Variants in FGD1 observed in about 807,000 individuals in gnomAD.
FGD1 encodes FYVE, RhoGEF and PH domain-containing protein 1.
In FGD1, 12 loss-of-function variants were observed where a neutral mutation model predicts 65.0. That is an observed-to-expected ratio of 0.18 (90% CI 0.12 to 0.30). FGD1 has a LOEUF of 0.30. FGD1 is among the 10% of genes least tolerant of loss of function. The pLI, the probability that FGD1 is intolerant of heterozygous loss-of-function variation, is 1.00. For missense variants in FGD1, 542 were observed against 837.6 expected (o/e 0.65, Z 4.36); for synonymous variants, 333 against 343.9 (o/e 0.97, Z 0.35).
At chrX:54,451,962 CTTTTTA>C (rs764900756) in intron 12 of FGD1, among the ~76,000 whole-genome samples, 207 of 110,145 alleles carry the variant, frequency 1.9e-3, no homozygotes, top group African/African-American at 6.0e-3. Flanking sequence ...ACAAGTGTTG[CTTTTTA>C]TTTTTAAGAG....
At chrX:54,457,295 T>C (rs1036457858) in intron 8 of FGD1, among the ~76,000 whole-genome samples, 9 of 112,001 alleles carry the variant, frequency 8.0e-5, no homozygotes, top group African/African-American at 2.3e-4. Context: ...GAAAAAGCCA[T>C]ATAAAGAAAC....
intron 1 of FGD1, among the ~76,000 whole-genome samples, chrX:54,487,371 G>A (rs1456806172): frequency 1.8e-5 from 2 of 111,863 alleles, no homozygotes; most frequent in African/African-American, 6.5e-5. Context: ...TGTGTTGGTG[G>A]TGAAAACTCC....
chrX:54,482,763 G>A (rs1923180845), intron 1 of FGD1, among the ~76,000 whole-genome samples: 1 of 111,373 alleles, frequency 9.0e-6, no homozygotes, highest in Non-Finnish European at 1.9e-5. Context: ...GAGACCCAGA[G>A]ATGGACATAG....
intron 8 of FGD1, among the ~76,000 whole-genome samples, chrX:54,461,437 C>T: frequency 9.4e-6 from 1 of 106,663 alleles, no homozygotes; most frequent in East Asian, 3.0e-4. Context: ...CCCATCTCTA[C>T]TAAAAACACA....
At chrX:54,493,890 G>A (rs886231398) in intron 1 of FGD1, among the ~76,000 whole-genome samples, 67 of 112,563 alleles carry the variant, frequency 6.0e-4, no homozygotes, top group Non-Finnish European at 1.1e-3. Flanking sequence ...CAAGGCCACG[G>A]TCCCAGAGAT....
chrX:54,482,236 G>GCACACACACACACACACACACA (rs759070309), intron 1 of FGD1, among the ~76,000 whole-genome samples: 107 of 99,381 alleles, frequency 1.1e-3, no homozygotes, highest in African/African-American at 3.7e-3. Flanking sequence ...GCACACGCGC[G>GCACACACACACACACACACACA]CACACACACA....
Position 54,455,746 on chromosome X carries a change from C to A in FGD1, c.1881G>T (p.Arg627=), listed in dbSNP as rs891555776. ...DRLLYCVPRL[R]LLGQKFSVRA... ...GCACGCTAAACTTCTGGCCAAGGAGCCGCAGCCTGGGCACGCAGTAAAGGA... is the reference window on the plus strand; with the variant it reads ...GCACGCTAAACTTCTGGCCAAGGAGACGCAGCCTGGGCACGCAGTAAAGGA... The change falls in exon 11 of 18, where the codon CGG becomes CGT. Residue 627 remains arginine, a synonymous_variant. Transcript: ENST00000375135. 8.4e-7 allele frequency: 1 copy of A among 1,189,601 alleles called. No homozygotes were observed. The highest frequency in any genetic ancestry group is 2.3e-5 in the Admixed American group (1 of 42,736).
intron 1 of FGD1, among the ~76,000 whole-genome samples, chrX:54,480,021 ATTC>A (rs1346911664): frequency 8.9e-6 from 1 of 112,323 alleles, no homozygotes; most frequent in Admixed American, 9.4e-5. Context: ...GAAGTCGACT[ATTC>A]TTCTCAACAT....
intron 12 of FGD1, among the ~76,000 whole-genome samples, chrX:54,452,800 A>G (rs1922411619): frequency 9.0e-6 from 1 of 110,565 alleles, no homozygotes; most frequent in African/African-American, 3.3e-5. Context: ...GGGGGCTTTT[A>G]GAGCTCTCCA....
chrX:54,459,114 G>A (rs926761126), intron 8 of FGD1, among the ~76,000 whole-genome samples: 17 of 111,536 alleles, frequency 1.5e-4, no homozygotes, highest in Admixed American at 9.5e-4. Context: ...TAGAGGTAGG[G>A]GGCACCCAGG....
At chrX:54,476,816 C>T (rs1006063989) in intron 1 of FGD1, among the ~76,000 whole-genome samples, 7 of 110,465 alleles carry the variant, frequency 6.3e-5, no homozygotes, top group African/African-American at 2.3e-4. Context: ...CCGTCACACA[C>T]ATTTGGTCAC....
At chrX:54,448,045 G>A (rs1922279246) in intron 16 of FGD1, among the ~76,000 whole-genome samples, 1 of 111,934 alleles carries the variant, frequency 8.9e-6, no homozygotes, top group African/African-American at 3.2e-5. Flanking sequence ...TCCAAAATGT[G>A]TGTTTGTGCA....
chrX:54,469,032 C>T (rs1266328514), intron 4 of FGD1, among the ~76,000 whole-genome samples, 156 bp from the exon 5 acceptor site: 2 of 111,372 alleles, frequency 1.8e-5, no homozygotes, highest in Non-Finnish European at 3.8e-5. Context: ...AGTCCTTCAG[C>T]TTCATCCCTG....
At chrX:54,473,694 T>C (rs1200835498) in intron 1 of FGD1, among the ~76,000 whole-genome samples, 2 of 112,788 alleles carry the variant, frequency 1.8e-5, no homozygotes, top group Non-Finnish European at 3.7e-5. Flanking sequence ...ATTTAAAGTA[T>C]ACAGGAAGGG....
chrX:54,482,236 GCACACACACACACA>G (rs759070309), intron 1 of FGD1, among the ~76,000 whole-genome samples: 1 of 99,367 alleles, frequency 1.0e-5, no homozygotes, highest in East Asian at 3.3e-4. Context: ...GCACACGCGC[GCACACACACACACA>G]CACACACACA....
chrX:54,481,462 C>G (rs781316062), intron 1 of FGD1, among the ~76,000 whole-genome samples: 1 of 95,894 alleles, frequency 1.0e-5, no homozygotes, highest in East Asian at 3.2e-4. Context: ...ATGGCATCCT[C>G]CTAATGATCC....
Position 54,454,318 on chromosome X carries a change from CTAAT to C in FGD1, c.2015+1126_2015+1129del, listed in dbSNP as rs1403179279. Among the ~76,000 whole-genome samples the C allele has an allele frequency of 2.7e-5, 3 of 110,774 alleles. No homozygotes were observed. In the East Asian group the frequency reaches 8.4e-4, roughly 31 times the overall value. ...GAATATTGTATTAATTTGTAGCACA[CTAAT>C]TATTTGGGTATGTAAACATATCTAA... On this transcript the variant is annotated intron_variant, in intron 12 of 17. Transcript: ENST00000375135.
intron 8 of FGD1, among the ~76,000 whole-genome samples, chrX:54,462,163 A>G (rs979331241): frequency 1.8e-5 from 2 of 111,579 alleles, no homozygotes; most frequent in Non-Finnish European, 3.8e-5. Context: ...GGCCCTTTCT[A>G]GAAGTTTAGG....
Position 54,455,564 on chromosome X carries a change from G to A in FGD1, c.1936-37C>T, listed in dbSNP as rs772879413. On this transcript the variant is annotated intron_variant, in intron 11 of 17. Coordinates refer to ENST00000375135, the MANE Select transcript of FGD1 (RefSeq NM_004463.3). ...CAGAAAGGGGCATGGTGAGGCCACT[G>A]AACTCCACAGGGCCCTAGCCCTCTG... The A allele has an allele frequency of 6.3e-6, 7 of 1,117,497 alleles. No homozygotes were observed. In the African/African-American group the frequency reaches 1.3e-4, roughly 20 times the overall value. The allele number at this position is 1,117,497 out of a possible 1,213,427, so 92.1% of individuals were successfully genotyped here.
Sources: gnomAD v4.1 joint callset for allele counts (sites outside exome capture counted in the v4.1 genomes callset) on GRCh38, gnomAD v4.1.1 for gene constraint, MANE v1.5 for transcripts, NCBI Gene and HGNC (gene_info 2026-07-23, HGNC 2026-07-21) for gene names.